Variants in DTNB observed in about 807,000 individuals in gnomAD.
The protein encoded by DTNB is DTN-B.
A neutral mutation model predicts 90.7 loss-of-function variants in DTNB; 63 were observed. The observed-to-expected ratio is 0.69, with a 90% CI of 0.57 to 0.86. The LOEUF (loss-of-function observed/expected upper bound fraction) is 0.86, where lower values mean the gene tolerates loss of function less well. Among genes scored for constraint, DTNB ranks in the 40% least tolerant of loss-of-function variants. The pLI, the probability that DTNB is intolerant of heterozygous loss-of-function variation, is 0.00. For synonymous variants in DTNB, 277 were observed against 286.7 expected, an observed-to-expected ratio of 0.97 and a Z score of 0.34; for missense variants, 744 against 807.1, an observed-to-expected ratio of 0.92 and a Z score of 0.95.
intron 2 of DTNB, among the ~76,000 whole-genome samples, chr2:25,647,960 G>A (rs2079890953): frequency 6.6e-6 from 1 of 152,136 alleles, no homozygotes; most frequent in Admixed American, 6.5e-5. Context: ...TAAATAGGAA[G>A]AGGAAAATAC....
intron 5 of DTNB, among the ~76,000 whole-genome samples, chr2:25,599,876 C>T (rs189239321): frequency 1.3e-5 from 2 of 152,134 alleles, no homozygotes; most frequent in African/African-American, 4.8e-5. Context: ...AGAGGAGAAT[C>T]GCTTGAGCCC....
intron 5 of DTNB, among the ~76,000 whole-genome samples, chr2:25,602,303 T>C (rs779922383): frequency 5.8e-4 from 88 of 152,310 alleles, no homozygotes; most frequent in Middle Eastern, 6.8e-3. Context: ...CTTCTTTTTT[T>C]CCCCTTATTC....
chr2:25,531,695 C>A (rs2078237728), intron 8 of DTNB, 98 bp from the exon 9 acceptor site: 2 of 1,456,834 alleles, frequency 1.4e-6, no homozygotes, highest in Non-Finnish European at 1.8e-6. Context: ...GTAAAAACAT[C>A]TTTTCAAATA....
At chr2:25,456,605 C>T (rs192726026) in intron 10 of DTNB, among the ~76,000 whole-genome samples, 64 of 152,136 alleles carry the variant, frequency 4.2e-4, no homozygotes, top group Non-Finnish European at 8.2e-4. Context: ...CAGAGTCTCG[C>T]TTTGTCTCCC....
intron 8 of DTNB, among the ~76,000 whole-genome samples, chr2:25,574,596 G>A (rs1038079629): frequency 3.3e-5 from 5 of 152,098 alleles, no homozygotes; most frequent in Admixed American, 1.3e-4. Flanking sequence ...TGTTCAAAAC[G>A]TTAGTATAAA....
intron 16 of DTNB, among the ~76,000 whole-genome samples, chr2:25,418,285 C>T (rs1425381963): frequency 2.6e-5 from 4 of 152,216 alleles, no homozygotes; most frequent in African/African-American, 9.6e-5. Flanking sequence ...CCCCTCACTA[C>T]TGATCTCTTC....
intron 2 of DTNB, among the ~76,000 whole-genome samples, chr2:25,644,707 C>G (rs1001656161): frequency 6.6e-6 from 1 of 152,024 alleles, no homozygotes; most frequent in Non-Finnish European, 1.5e-5. Context: ...TTCAGTGGGC[C>G]GAGATTGTGC....
chr2:25,574,600 G>T (rs900430718), intron 8 of DTNB, among the ~76,000 whole-genome samples: 4 of 152,120 alleles, frequency 2.6e-5, no homozygotes, highest in African/African-American at 9.7e-5. Context: ...CAAAACGTTA[G>T]TATAAACACA....
chr2:25,656,118 T>C lies in DTNB; in HGVS notation c.-1-3457A>G, dbSNP rs547088339. 2.4e-4 allele frequency among the ~76,000 whole-genome samples: 37 copies of C among 152,318 alleles called. 1 individual carries two copies. In the South Asian group the frequency reaches 5.4e-3, roughly 22 times the overall value. ...TCCAAGGATAACCTCCAAAATAAAATACTTGCATTTAAATCCTTGTCTACA... is the reference window on the plus strand; with the variant it reads ...TCCAAGGATAACCTCCAAAATAAAACACTTGCATTTAAATCCTTGTCTACA... On this transcript the variant is annotated intron_variant, in intron 1 of 20. Coordinates refer to ENST00000406818, the MANE Select transcript of DTNB (RefSeq NM_021907.5).
At chr2:25,670,657 TCTACACAACTAGGTGCCACA>T (rs2085623434) in intron 1 of DTNB, among the ~76,000 whole-genome samples, 1 of 152,136 alleles carries the variant, frequency 6.6e-6, no homozygotes, top group Non-Finnish European at 1.5e-5. Flanking sequence ...CAGAATACAA[TCTACACAACTAGGTGCCACA>T]GCTCTGATGC....
chr2:25,637,891 T>C (rs1324653519), intron 3 of DTNB, among the ~76,000 whole-genome samples: 1 of 152,174 alleles, frequency 6.6e-6, no homozygotes, highest in Non-Finnish European at 1.5e-5. Flanking sequence ...ATCAGGCTGC[T>C]ATAAAGACAC....
chr2:25,491,869 G>T (rs2067580642), intron 9 of DTNB, among the ~76,000 whole-genome samples: 1 of 151,348 alleles, frequency 6.6e-6, no homozygotes, highest in African/African-American at 2.4e-5. Context: ...CCAAGCCAAT[G>T]AAGTAGATAC....
intron 19 of DTNB, chr2:25,383,554 C>T (rs1388700449): frequency 1.9e-6 from 1 of 528,838 alleles, no homozygotes; most frequent in Non-Finnish European, 3.2e-6. Context: ...TAAACTTCTC[C>T]AGTCAAAGGG....
intron 1 of DTNB, among the ~76,000 whole-genome samples, chr2:25,666,817 A>G (rs949764628): frequency 1.3e-5 from 2 of 152,162 alleles, no homozygotes; most frequent in East Asian, 3.9e-4. Context: ...GCAAAGGAGG[A>G]TGAAGAAACG....
intron 9 of DTNB, among the ~76,000 whole-genome samples, chr2:25,529,479 A>G (rs929107400): frequency 6.6e-6 from 1 of 152,120 alleles, no homozygotes; most frequent in Admixed American, 6.5e-5. Flanking sequence ...ACACGACCCA[A>G]AAGGGAAAAA....
intron 1 of DTNB, among the ~76,000 whole-genome samples, chr2:25,659,007 C>T (rs1359237796): frequency 2.0e-5 from 3 of 151,928 alleles, no homozygotes; most frequent in Non-Finnish European, 4.4e-5. Context: ...AAGCAATCGT[C>T]CCACCCCTGC....
intron 1 of DTNB, among the ~76,000 whole-genome samples, chr2:25,654,965 G>A (rs192682926): frequency 3.9e-5 from 6 of 152,254 alleles, no homozygotes; most frequent in South Asian, 2.1e-4. Flanking sequence ...ACACCAAATT[G>A]ATGCTAAGAA....
At chr2:25,595,741 C>T (rs2064460006) in intron 6 of DTNB, among the ~76,000 whole-genome samples, 1 of 152,150 alleles carries the variant, frequency 6.6e-6, no homozygotes, top group African/African-American at 2.4e-5. Context: ...AGTATTGTTA[C>T]AGTTTTATAT....
intron 12 of DTNB, among the ~76,000 whole-genome samples, chr2:25,444,092 A>G (rs566443065): frequency 6.6e-6 from 1 of 152,302 alleles, no homozygotes; most frequent in South Asian, 2.1e-4. Context: ...TTCCATAATG[A>G]ATTTTAAATT....
Sources: gnomAD v4.1 joint callset for allele counts (sites outside exome capture counted in the v4.1 genomes callset) on GRCh38, gnomAD v4.1.1 for gene constraint, MANE v1.5 for transcripts, NCBI Gene and HGNC (gene_info 2026-07-23, HGNC 2026-07-21) for gene names.